Variants in TTC34 observed in about 807,000 individuals in gnomAD.
TTC34 encodes the protein tetratricopeptide repeat protein 34.
Under a neutral mutation model 40.7 loss-of-function variants are expected in TTC34, and 44 were observed. That is an observed-to-expected ratio of 1.08 (90% CI 0.85 to 1.39). The LOEUF is 1.39. Ranked by LOEUF, TTC34 falls within the 40% of genes most tolerant of loss-of-function variation. The probability of loss-of-function intolerance (pLI) is 0.00; values close to 1 mark genes in which losing one functional copy is unlikely to be tolerated. For synonymous variants in TTC34, 422 were observed against 398.6 expected (o/e 1.06, Z -0.70); for missense variants, 884 against 838.0 (o/e 1.05, Z -0.68).
intron 2 of TTC34, among the ~76,000 whole-genome samples, chr1:2,794,367 C>T (rs1643693442): frequency 6.6e-6 from 1 of 152,122 alleles, no homozygotes; most frequent in Non-Finnish European, 1.5e-5. Flanking sequence ...AGTCATGTGA[C>T]TCTTAGAACT....
At chr1:2,695,180 GAACAGCACCCATACGCCCAGATGAGCA>G (rs1640805609) in intron 6 of TTC34, among the ~76,000 whole-genome samples, 1 of 45,720 alleles carries the variant, frequency 2.2e-5, no homozygotes. Flanking sequence ...TGACAGCATG[GAACAGCACCCATACGCCCAGATGAGCA>G]TCTGACAGCC....
chr1:2,751,027 G>T (rs1305199986), intron 6 of TTC34, among the ~76,000 whole-genome samples: 1 of 116,294 alleles, frequency 8.6e-6, no homozygotes, highest in Non-Finnish European at 1.7e-5. Flanking sequence ...GCATCTGACA[G>T]CCTGGAACAG....
chr1:2,677,605 C>CACA (rs1557601751), intron 6 of TTC34, among the ~76,000 whole-genome samples: 1 of 138,012 alleles, frequency 7.2e-6, no homozygotes, highest in Non-Finnish European at 1.6e-5. Flanking sequence ...GAACAGCACG[C>CACA]TGCCCCCCCA....
chr1:2,769,865 A>T (rs1265072996), intron 6 of TTC34, among the ~76,000 whole-genome samples: 1 of 59,734 alleles, frequency 1.7e-5, no homozygotes, highest in Non-Finnish European at 2.9e-5. Context: ...CTGGAGCAGC[A>T]CCCACACCCC....
chr1:2,698,600 A>AC, intron 6 of TTC34, among the ~76,000 whole-genome samples: 1 of 78,700 alleles, frequency 1.3e-5, no homozygotes, highest in Non-Finnish European at 2.6e-5. Context: ...CTGGAACAGC[A>AC]CCCACACTCC....
intron 6 of TTC34, among the ~76,000 whole-genome samples, chr1:2,694,747 CAA>C (rs1399356495): frequency 1.5e-5 from 1 of 67,532 alleles, no homozygotes; most frequent in Admixed American, 1.4e-4. Context: ...AGCAGCACCC[CAA>C]ACCCACAGGT....
intron 6 of TTC34, among the ~76,000 whole-genome samples, chr1:2,690,437 A>T (rs1472986926): frequency 0.019 from 1,568 of 82,146 alleles, 9 homozygotes; most frequent in Middle Eastern, 0.035. Context: ...CGAGCATCTG[A>T]CAGCCTGGAA....
At chr1:2,784,922 G>A (rs1643555274) in intron 5 of TTC34, among the ~76,000 whole-genome samples, 1 of 151,982 alleles carries the variant, frequency 6.6e-6, no homozygotes, top group Non-Finnish European at 1.5e-5. Context: ...CCCCTTCTGG[G>A]TGTTGTTCTG....
At chr1:2,755,762 C>G (rs1309779383) in intron 6 of TTC34, among the ~76,000 whole-genome samples, 3 of 132,350 alleles carry the variant, frequency 2.3e-5, no homozygotes, top group Non-Finnish European at 4.7e-5. Context: ...GAGCATCTGA[C>G]AGCCTGGAAC....
chr1:2,656,386 G>A (rs1437190173), intron 6 of TTC34, among the ~76,000 whole-genome samples: 1 of 1,720 alleles, frequency 5.8e-4, no homozygotes, highest in Non-Finnish European at 1.3e-3. Flanking sequence ...CCACAGGTGA[G>A]CATCTGACAG....
intron 8 of TTC34, among the ~76,000 whole-genome samples, chr1:2,643,025 G>A (rs1014454521): frequency 1.3e-5 from 2 of 152,214 alleles, no homozygotes; most frequent in Non-Finnish European, 2.9e-5. Flanking sequence ...ACGGCCCGGG[G>A]TGGTAGTGAA....
chr1:2,750,839 AC>A (rs1641295831), intron 6 of TTC34, among the ~76,000 whole-genome samples: 1 of 60,872 alleles, frequency 1.6e-5, no homozygotes. Context: ...CTGGAGCAGT[AC>A]CCACACACCC....
chr1:2,659,882 T>A (rs1259765893), intron 6 of TTC34, among the ~76,000 whole-genome samples: 78 of 123,974 alleles, frequency 6.3e-4, no homozygotes, highest in Middle Eastern at 8.5e-3. Context: ...CGGGTGAGCA[T>A]CTGACAGCCT....
At position 2,794,222 on chromosome 1, in the gene TTC34, G is replaced by A. The variant is rs1022911584; in HGVS notation, c.785-3876C>T. 2.4e-4 allele frequency among the ~76,000 whole-genome samples: 37 copies of A among 152,104 alleles called. 1 individual carries two copies. Among genetic ancestry groups the A allele is most frequent in the Admixed American group, 6.5e-4 (10 of 15,276 alleles). ...AGTTCCCACTATGTTGCCCAGGCTG[G>A]TGTCAGACTTCTGAGCTCAAGGGTT... On this transcript the variant is annotated intron_variant, in intron 2 of 8. Coordinates refer to ENST00000401095, the Ensembl canonical transcript of TTC34.
At chr1:2,751,909 G>A (rs1403784347) in intron 6 of TTC34, among the ~76,000 whole-genome samples, 3 of 69,508 alleles carry the variant, frequency 4.3e-5, no homozygotes, top group East Asian at 6.7e-4. Context: ...AGCATCTGAT[G>A]GTCTGGAGCA....
At chr1:2,757,062 C>CCG (rs1641531074) in intron 6 of TTC34, among the ~76,000 whole-genome samples, 1 of 148,376 alleles carries the variant, frequency 6.7e-6, no homozygotes, top group African/African-American at 2.5e-5. Context: ...GAACAGGACC[C>CCG]ACACCCCCAG....
chr1:2,684,989 C>G (rs536003545), intron 6 of TTC34, among the ~76,000 whole-genome samples: 2 of 144,820 alleles, frequency 1.4e-5, no homozygotes, highest in East Asian at 2.0e-4. Context: ...CTTAGAACAG[C>G]ACCCATACCC....
At chr1:2,644,864 G>A (rs969215009) in intron 7 of TTC34, among the ~76,000 whole-genome samples, 8 of 152,124 alleles carry the variant, frequency 5.3e-5, no homozygotes, top group Non-Finnish European at 8.8e-5. Context: ...GTGGTGAAGT[G>A]GTTTCCACAT....
At chr1:2,788,474 GC>G (rs111933268) in intron 3 of TTC34, among the ~76,000 whole-genome samples, 10,869 of 151,988 alleles carry the variant, frequency 0.072, 891 homozygotes, top group African/African-American at 0.2. Context: ...CATCAATGAT[GC>G]CCCTCCAAGA....
Sources: allele counts gnomAD v4.1 joint callset (sites outside exome capture counted in the v4.1 genomes callset), GRCh38; gene constraint gnomAD v4.1.1; transcripts MANE v1.5; gene names NCBI Gene and HGNC (gene_info 2026-07-23, HGNC 2026-07-21).